ABI3BP: variants seen among roughly 807,000 people sequenced by gnomAD.
The protein encoded by ABI3BP is target of Nesh-SH3.
ABI3BP carries 216 observed loss-of-function variants against 268.6 expected under a neutral mutation model. The observed-to-expected ratio is 0.80, with a 90% CI of 0.72 to 0.90. The LOEUF (loss-of-function observed/expected upper bound fraction) is 0.90, where lower values mean the gene tolerates loss of function less well. Among genes scored for constraint, ABI3BP ranks in the 40% least tolerant of loss-of-function variants. ABI3BP has a pLI of 0.00. For synonymous variants in ABI3BP, 730 were observed against 730.0 expected, an observed-to-expected ratio of 1.00 and a Z score of 0.00; for missense variants, 2,090 against 2,182.4, an observed-to-expected ratio of 0.96 and a Z score of 0.84.
intron 50 of ABI3BP, among the ~76,000 whole-genome samples, chr3:100,806,221 A>G (rs1292108561): frequency 6.6e-6 from 1 of 152,124 alleles, no homozygotes. Flanking sequence ...TTATTCTGTG[A>G]AAGGTGGTGG....
chr3:100,753,687 T>A (rs2149281140), intron 65 of ABI3BP, 132 bp downstream of exon 65: 1 of 959,172 alleles, frequency 1.0e-6, no homozygotes, highest in Admixed American at 2.0e-5. Flanking sequence ...TAGGTAAACA[T>A]TCACAACTGT....
At chr3:100,876,127 G>A (rs1002257789) in intron 7 of ABI3BP, among the ~76,000 whole-genome samples, 3 of 152,146 alleles carry the variant, frequency 2.0e-5, no homozygotes, top group African/African-American at 4.8e-5. Flanking sequence ...AGATACTGAC[G>A]TGAAGTGACA....
intron 40 of ABI3BP, among the ~76,000 whole-genome samples, chr3:100,818,980 G>T (rs1031316237): frequency 7.9e-5 from 12 of 152,216 alleles, no homozygotes; most frequent in Admixed American, 2.6e-4. Flanking sequence ...CAGCCTGTTT[G>T]AGAGAAGACA....
chr3:100,843,596 G>T (rs2098734636), intron 20 of ABI3BP: 1 of 983,358 alleles, frequency 1.0e-6, no homozygotes, highest in Non-Finnish European at 1.2e-6. Flanking sequence ...GTGTCTGGGA[G>T]ATGGAGAGAG....
At chr3:100,953,643 A>G (rs780210404) in intron 1 of ABI3BP, among the ~76,000 whole-genome samples, 10 of 152,098 alleles carry the variant, frequency 6.6e-5, no homozygotes, top group Admixed American at 1.3e-4. Flanking sequence ...CAAAGAGATT[A>G]CCAGACAGAG....
Position 100,796,408 on chromosome 3 carries a change from C to A in ABI3BP, c.3817+1G>T. 2 of 1,572,818 alleles carry A rather than the reference C, an allele frequency of 1.3e-6. No homozygotes were observed. Among genetic ancestry groups the A allele is most frequent in the Non-Finnish European group, 1.7e-6 (2 of 1,162,180 alleles). ...CCAGAAGGATGAAATAATTAATTTA[C>A]CAGGTTCGCTCTGAGAGACCTCAGG... On this transcript the variant is annotated splice_donor_variant, in intron 52 of 67. Transcript: ENST00000471714. LOFTEE classifies it high-confidence loss of function.
chr3:100,986,882 T>A (rs1189401591), intron 1 of ABI3BP, among the ~76,000 whole-genome samples: 1 of 152,210 alleles, frequency 6.6e-6, no homozygotes, highest in Non-Finnish European at 1.5e-5. Context: ...TAAAATGTTA[T>A]TTTAATTGAA....
Position 100,856,450 on chromosome 3 carries a change from C to T in ABI3BP, c.1286-4510G>A, listed in dbSNP as rs2098941075. On this transcript the variant is annotated intron_variant, in intron 14 of 67. Transcript: ENST00000471714. ...TGAAGCTGACCATGCTTGGTTCTCT[C>T]TGTCAAGGGAAGTCTCTACAAGATA... Among the ~76,000 whole-genome samples the T allele has an allele frequency of 2.0e-5, 3 of 152,184 alleles. No homozygotes were observed. The South Asian group carries it at 6.2e-4, about 31-fold the overall frequency.
intron 1 of ABI3BP, among the ~76,000 whole-genome samples, chr3:100,942,069 G>T (rs1042757241): frequency 6.6e-6 from 1 of 151,856 alleles, no homozygotes; most frequent in African/African-American, 2.4e-5. Flanking sequence ...ATTTACCTTG[G>T]GACAAATATA....
At chr3:100,802,056 G>A (rs568978258) in intron 51 of ABI3BP, among the ~76,000 whole-genome samples, 1 of 152,094 alleles carries the variant, frequency 6.6e-6, no homozygotes, top group Admixed American at 6.5e-5. Context: ...TTTATGAACT[G>A]TATCATTTTA....
intron 60 of ABI3BP, 31 bp from the exon 61 acceptor site, chr3:100,774,704 C>G: frequency 6.7e-7 from 1 of 1,484,142 alleles, no homozygotes; most frequent in Non-Finnish European, 9.1e-7. Flanking sequence ...ACAGTTTTGG[C>G]AAAAGATAAA....
chr3:100,817,248 A>G (rs1190452448), intron 42 of ABI3BP, among the ~76,000 whole-genome samples, 188 bp downstream of exon 42: 1 of 152,218 alleles, frequency 6.6e-6, no homozygotes, highest in African/African-American at 2.4e-5. Context: ...ATAGCTTTTG[A>G]AAATAATAGG....
chr3:100,941,996 T>C (rs2069507529), intron 1 of ABI3BP, among the ~76,000 whole-genome samples: 1 of 152,130 alleles, frequency 6.6e-6, no homozygotes, highest in East Asian at 1.9e-4. Flanking sequence ...GTATTTGCTG[T>C]AAAGGAAGTG....
chr3:100,961,049 A>G (rs1229370680), intron 1 of ABI3BP, among the ~76,000 whole-genome samples: 1 of 152,260 alleles, frequency 6.6e-6, no homozygotes, highest in East Asian at 1.9e-4. Flanking sequence ...GTAATTTGTC[A>G]TGGCTGCAAT....
chr3:100,993,140 G>T (rs1031528691), intron 1 of ABI3BP, among the ~76,000 whole-genome samples, 166 bp downstream of exon 1: 17 of 152,146 alleles, frequency 1.1e-4, no homozygotes, highest in African/African-American at 4.1e-4. Flanking sequence ...AATAACAGGA[G>T]GGGAAAGTAA....
intron 2 of ABI3BP, among the ~76,000 whole-genome samples, chr3:100,919,456 A>G (rs2059615175): frequency 1.3e-5 from 2 of 152,244 alleles, no homozygotes; most frequent in South Asian, 2.1e-4. Flanking sequence ...CTATACCAAT[A>G]TAAAGATTAA....
At chr3:100,794,871 G>A (rs1039102161) in intron 54 of ABI3BP, 52 bp downstream of exon 54, 1 of 1,364,022 alleles carries the variant, frequency 7.3e-7, no homozygotes, top group African/African-American at 1.5e-5. Flanking sequence ...TACTTTAAGG[G>A]AAATTCCTAA....
In ABI3BP at chr3:100,787,768, G is replaced by T; in HGVS notation, c.4122C>A (p.Pro1374=). 6.5e-7 allele frequency: 1 copy of T among 1,532,388 alleles called. No individual in the cohort carries two copies. The highest frequency in any genetic ancestry group is 8.7e-7 in the Non-Finnish European group (1 of 1,144,930). The allele number at this position is 1,532,388 out of a possible 1,614,324, so 94.9% of individuals were successfully genotyped here. The part of the protein sequence containing the change: ...LNRTTTRPTR[P]KPSGMPSGNG... ...TCCCACTGGGCATCCCACTGGGTTT[G>T]GGCCTAGTAGGTCTTGTAGTTGTCC... The change falls in exon 57 of 68, where the codon CCC becomes CCA. Residue 1374 remains proline, a synonymous_variant. Coordinates refer to ENST00000471714, the MANE Select transcript of ABI3BP (RefSeq NM_001375547.2).
At position 100,846,438 on chromosome 3, in the gene ABI3BP, T is replaced by C. The variant is rs2098769229; in HGVS notation, c.1657A>G (p.Lys553Glu). 1 of 1,589,812 alleles carries C rather than the reference T, an allele frequency of 6.3e-7. No individual in the cohort carries two copies. Among genetic ancestry groups the C allele is most frequent in the African/African-American group, 1.3e-5 (1 of 74,484 alleles). ...EPTWTTPAPGKTQFISLKPKI... is the reference protein window; with the variant it reads ...EPTWTTPAPGETQFISLKPKI... ...GGTTTCAGAGAAATAAATTGTGTTT[T>C]ACCGGGAGCTGGAAAAATAAAGAAA... Residue 553 changes from lysine to glutamate, a missense_variant, in exon 20 of 68, where the codon AAA becomes GAA. Lys to Glu is a moderately conservative substitution (Grantham distance 56, BLOSUM62 1). Coordinates refer to ENST00000471714, the MANE Select transcript of ABI3BP (RefSeq NM_001375547.2).
Sources: allele counts gnomAD v4.1 joint callset (sites outside exome capture counted in the v4.1 genomes callset), GRCh38; gene constraint gnomAD v4.1.1; transcripts MANE v1.5; gene names NCBI Gene and HGNC (gene_info 2026-07-23, HGNC 2026-07-21).